The following CDKAL1 variants were observed in gnomAD, a reference collection of about 807,000 sequenced individuals.
The protein encoded by CDKAL1 is CDKAL1 threonylcarbamoyladenosine tRNA methylthiotransferase, also known as threonylcarbamoyladenosine tRNA methylthiotransferase.
CDKAL1 carries 32 observed loss-of-function variants against 68.2 expected under a neutral mutation model. The ratio of observed to expected loss-of-function variants is 0.47; its 90% confidence interval spans 0.35 to 0.63. CDKAL1 has a LOEUF of 0.63. CDKAL1 is among the 30% of genes least tolerant of loss of function. CDKAL1 has a pLI of 0.00. For synonymous variants in CDKAL1, 234 were observed against 244.3 expected (o/e 0.96, Z 0.39); for missense variants, 606 against 696.7 (o/e 0.87, Z 1.47).
At chr6:21,206,798 G>A (rs1487837996) in intron 15 of CDKAL1, among the ~76,000 whole-genome samples, 1 of 152,050 alleles carries the variant, frequency 6.6e-6, no homozygotes, top group Non-Finnish European at 1.5e-5. Context: ...AGAGGATTAA[G>A]TTAAATCATG....
intron 4 of CDKAL1, among the ~76,000 whole-genome samples, chr6:20,645,276 CATA>C (rs1276539087): frequency 6.6e-6 from 1 of 151,896 alleles, no homozygotes; most frequent in Non-Finnish European, 1.5e-5. Flanking sequence ...ATTTTTCTTT[CATA>C]ATAATAAATT....
intron 8 of CDKAL1, among the ~76,000 whole-genome samples, chr6:20,798,151 A>G (rs1776193948): frequency 6.6e-6 from 1 of 152,034 alleles, no homozygotes; most frequent in Admixed American, 6.6e-5. Flanking sequence ...TTTCAAAAAG[A>G]AAAAACTATG....
chr6:21,145,131 C>A (rs1053694444), intron 13 of CDKAL1, among the ~76,000 whole-genome samples: 1 of 152,138 alleles, frequency 6.6e-6, no homozygotes. Flanking sequence ...TTTGCATGCA[C>A]TTGATTCACA....
chr6:20,996,518 AAGATGGGAAGAGCC>A (rs1767121293), intron 10 of CDKAL1, among the ~76,000 whole-genome samples: 1 of 152,198 alleles, frequency 6.6e-6, no homozygotes, highest in Admixed American at 6.5e-5. Context: ...AGGGAGGCCC[AAGATGGGAAGAGCC>A]AGTTGGAAGA....
chr6:21,205,753 G>A (rs6932914), intron 15 of CDKAL1, among the ~76,000 whole-genome samples: 1,648 of 148,010 alleles, frequency 0.011, 39 homozygotes, highest in African/African-American at 0.038. Flanking sequence ...GGATGGTCTC[G>A]ATCTCCTGAC....
At chr6:20,699,103 T>C (rs1301238421) in intron 5 of CDKAL1, among the ~76,000 whole-genome samples, 2 of 152,148 alleles carry the variant, frequency 1.3e-5, no homozygotes, top group Non-Finnish European at 2.9e-5. Flanking sequence ...CTGTGTTCTT[T>C]TGCATTAGGA....
Position 20,955,495 on chromosome 6 carries a change from A to G in CDKAL1, c.819A>G (p.Thr273=), listed in dbSNP as rs766320011. The G allele has an allele frequency of 7.4e-6, 12 of 1,613,866 alleles. No homozygotes were observed. In the African/African-American group the frequency reaches 1.6e-4, roughly 22 times the overall value. Residue 273 remains threonine, a synonymous_variant, in exon 10 of 16, where the codon ACA becomes ACG. Transcript: ENST00000274695. ...GAGATATTGGCACCAATCTCCCCAC[A>G]CTCCTGTGGAAACTGGTTGAAGTGA... ...YGRDIGTNLP[T]LLWKLVEVIP... is the part of the protein sequence containing the mutation.
intron 8 of CDKAL1, among the ~76,000 whole-genome samples, chr6:20,844,630 G>A (rs756095938): frequency 1.3e-5 from 2 of 151,126 alleles, no homozygotes; most frequent in African/African-American, 4.9e-5. Flanking sequence ...GGGGAGGGTC[G>A]CTTGAGCCCA....
intron 4 of CDKAL1, among the ~76,000 whole-genome samples, chr6:20,591,872 A>T (rs1213180773): frequency 6.6e-6 from 1 of 152,148 alleles, no homozygotes; most frequent in African/African-American, 2.4e-5. Context: ...TTGGTTCCAG[A>T]TGAAATTTAA....
chr6:21,140,294 A>G (rs549683565), intron 13 of CDKAL1, among the ~76,000 whole-genome samples: 1 of 152,346 alleles, frequency 6.6e-6, no homozygotes, highest in East Asian at 1.9e-4. Context: ...AATAGTTTCT[A>G]AGTAAACTCT....
Position 20,753,929 on chromosome 6 carries a change from A to G in CDKAL1, c.469-4666A>G, listed in dbSNP as rs547618883. ...TGTATGAAGGTTCCAATTTCTCCAC[A>G]TTTTCACCAACACTCGTTATTATCT... On this transcript the variant is annotated intron_variant, in intron 6 of 15. Transcript: ENST00000274695. Among the ~76,000 whole-genome samples, 21 of 150,842 alleles carry G rather than the reference A, an allele frequency of 1.4e-4. No homozygotes were observed. In the South Asian group the frequency reaches 3.1e-3, roughly 23 times the overall value.
chr6:20,608,302 C>T (rs750925989), intron 4 of CDKAL1, among the ~76,000 whole-genome samples: 2 of 151,848 alleles, frequency 1.3e-5, no homozygotes, highest in Non-Finnish European at 2.9e-5. Context: ...CACAAGTTAT[C>T]TATATATAGT....
chr6:20,864,300 A>G (rs1759794049), intron 9 of CDKAL1, among the ~76,000 whole-genome samples: 1 of 152,170 alleles, frequency 6.6e-6, no homozygotes, highest in Non-Finnish European at 1.5e-5. Flanking sequence ...TTCTAGACTT[A>G]AAATGGTGAC....
chr6:20,652,833 A>T (rs1360195106), intron 5 of CDKAL1, among the ~76,000 whole-genome samples: 2 of 152,222 alleles, frequency 1.3e-5, no homozygotes, highest in East Asian at 3.9e-4. Flanking sequence ...AACATTGTCA[A>T]GACCGTAGAA....
At chr6:20,837,937 T>TTGTGTGTGTGTGTGTGTGTGTGTGTG (rs531904726) in intron 8 of CDKAL1, among the ~76,000 whole-genome samples, 1 of 123,176 alleles carries the variant, frequency 8.1e-6, no homozygotes, top group Admixed American at 8.3e-5. Context: ...TGGGAAGAAA[T>TTGTGTGTGTGTGTGTGTGTGTGTGTG]TGTGTGTGTG....
intron 6 of CDKAL1, among the ~76,000 whole-genome samples, chr6:20,745,579 C>G (rs1271267286): frequency 6.6e-6 from 1 of 152,016 alleles, no homozygotes; most frequent in African/African-American, 2.4e-5. Context: ...CTAATCTCAC[C>G]TGTATTCATA....
At chr6:21,205,729 C>T (rs1283246378) in intron 15 of CDKAL1, among the ~76,000 whole-genome samples, 1 of 150,538 alleles carries the variant, frequency 6.6e-6, no homozygotes. Context: ...GACGGGGTTT[C>T]ACTGTGTTAG....
chr6:20,996,130 G>A (rs1767095199), intron 10 of CDKAL1, among the ~76,000 whole-genome samples: 1 of 152,238 alleles, frequency 6.6e-6, no homozygotes, highest in African/African-American at 2.4e-5. Context: ...ATTGAAGAGA[G>A]TTAGGGCCTT....
intron 12 of CDKAL1, among the ~76,000 whole-genome samples, chr6:21,086,008 A>G (rs376741977): frequency 2.6e-5 from 4 of 152,182 alleles, no homozygotes; most frequent in East Asian, 3.8e-4. Context: ...AAGAATCTCT[A>G]TGACTTGTAC....
Sources: gnomAD v4.1 joint callset for allele counts (sites outside exome capture counted in the v4.1 genomes callset) on GRCh38, gnomAD v4.1.1 for gene constraint, MANE v1.5 for transcripts, NCBI Gene and HGNC (gene_info 2026-07-23, HGNC 2026-07-21) for gene names.